Variants in ATP8A2 observed in about 807,000 individuals in gnomAD.
The protein encoded by ATP8A2 is ATPase phospholipid transporting 8A2, also known as phospholipid-transporting ATPase IB.
A neutral mutation model predicts 165.6 loss-of-function variants in ATP8A2; 100 were observed. That is an observed-to-expected ratio of 0.60 (90% CI 0.51 to 0.71). The LOEUF is 0.71. Among genes scored for constraint, ATP8A2 ranks in the 30% least tolerant of loss-of-function variants. The pLI is 0.00. For missense variants in ATP8A2, 1,227 were observed against 1,479.5 expected, an observed-to-expected ratio of 0.83 and a Z score of 2.80; for synonymous variants, 543 against 548.8, an observed-to-expected ratio of 0.99 and a Z score of 0.15.
intron 24 of ATP8A2, among the ~76,000 whole-genome samples, chr13:25,592,470 A>G (rs1261543644): frequency 6.6e-6 from 1 of 152,234 alleles, no homozygotes; most frequent in Non-Finnish European, 1.5e-5. Context: ...GCTGAGTACA[A>G]GTTGATGTTA....
At chr13:25,416,672 C>T (rs1158351058) in intron 1 of ATP8A2, among the ~76,000 whole-genome samples, 1 of 152,154 alleles carries the variant, frequency 6.6e-6, no homozygotes, top group Non-Finnish European at 1.5e-5. Context: ...GGAAAAATTC[C>T]AAAGCCCTCA....
chr13:25,860,911 C>A, intron 32 of ATP8A2, 51 bp downstream of exon 32: 1 of 1,262,968 alleles, frequency 7.9e-7, no homozygotes, highest in Non-Finnish European at 1.1e-6. Flanking sequence ...ATTTTTCATG[C>A]TAGGATTTCT....
chr13:25,776,041 G>T (rs1365810555), intron 27 of ATP8A2, among the ~76,000 whole-genome samples: 2 of 152,196 alleles, frequency 1.3e-5, no homozygotes, highest in South Asian at 2.1e-4. Flanking sequence ...TGTGCAGGTT[G>T]TTCATGGCCC....
chr13:25,439,339 A>G (rs2034867510), intron 1 of ATP8A2, among the ~76,000 whole-genome samples: 1 of 152,164 alleles, frequency 6.6e-6, no homozygotes, highest in Non-Finnish European at 1.5e-5. Context: ...CAAAAAAAGG[A>G]CATCATGGAG....
chr13:25,968,469 T>G, intron 34 of ATP8A2, 106 bp from the exon 35 acceptor site: 1 of 957,014 alleles, frequency 1.0e-6, no homozygotes, highest in Non-Finnish European at 1.6e-6. Context: ...AGCCTCGGCC[T>G]CCACCAAAGG....
chr13:25,722,556 T>C (rs1315346323), intron 25 of ATP8A2, among the ~76,000 whole-genome samples: 2 of 152,188 alleles, frequency 1.3e-5, no homozygotes, highest in Admixed American at 1.3e-4. Flanking sequence ...CACTTCTCTT[T>C]CTTGATCCCC....
At chr13:25,577,450 T>C (rs1239547516) in intron 20 of ATP8A2, among the ~76,000 whole-genome samples, 1 of 152,228 alleles carries the variant, frequency 6.6e-6, no homozygotes, top group Non-Finnish European at 1.5e-5. Flanking sequence ...GTTTTGACTT[T>C]GGGAAGACAA....
At chr13:25,915,207 A>G (rs1954234075) in intron 33 of ATP8A2, among the ~76,000 whole-genome samples, 1 of 152,238 alleles carries the variant, frequency 6.6e-6, no homozygotes, top group African/African-American at 2.4e-5. Flanking sequence ...TTGTGTAATT[A>G]TGTACTTAAA....
intron 1 of ATP8A2, among the ~76,000 whole-genome samples, chr13:25,413,278 G>GTTTTTTTTTTTTTTTTTTTTTCTTT (rs1195456593): frequency 9.5e-6 from 1 of 105,262 alleles, no homozygotes; most frequent in Non-Finnish European, 1.9e-5. Flanking sequence ...CTTTTTCTTT[G>GTTTTTTTTTTTTTTTTTTTTTCTTT]TTTTTTTTTT....
At chr13:25,893,125 G>A (rs968764482) in intron 33 of ATP8A2, among the ~76,000 whole-genome samples, 2 of 151,126 alleles carry the variant, frequency 1.3e-5, no homozygotes, top group African/African-American at 4.9e-5. Flanking sequence ...ATGTATACAT[G>A]TGCCATATTG....
At chr13:25,918,353 G>A (rs921008754) in intron 33 of ATP8A2, among the ~76,000 whole-genome samples, 1 of 152,212 alleles carries the variant, frequency 6.6e-6, no homozygotes, top group Admixed American at 6.5e-5. Context: ...GATAGTTGTT[G>A]ATTGGGCTGC....
rs748701012 is a variant in ATP8A2 at position 25,553,824 on chromosome 13, A to G, written c.1089A>G (p.Leu363=). 1 of 1,613,778 alleles carries G rather than the reference A, an allele frequency of 6.2e-7. No individual in the cohort carries two copies. Among genetic ancestry groups the G allele is most frequent in the African/African-American group, 1.3e-5 (1 of 75,040 alleles). Residue 363 remains leucine (L), a synonymous_variant, in exon 12 of 37, where the codon CTA becomes CTG. Coordinates refer to ENST00000381655, the MANE Select transcript of ATP8A2 (RefSeq NM_016529.6). ...CCTCAGATAATTTTGGATACAACCT[A>G]CTGACGTTCATCATCTTATACAACA... is the stretch of plus-strand genomic sequence containing the variant. The part of the protein sequence containing the change: ...DTTSDNFGYN[L]LTFIILYNNL...
chr13:25,981,022 A>G (rs1422371848), intron 35 of ATP8A2, among the ~76,000 whole-genome samples: 4 of 152,334 alleles, frequency 2.6e-5, no homozygotes, highest in East Asian at 1.9e-4. Context: ...CAATGAGTTG[A>G]TTTTTCAAAA....
intron 35 of ATP8A2, among the ~76,000 whole-genome samples, chr13:25,991,590 T>G (rs1956394951): frequency 6.6e-6 from 1 of 152,262 alleles, no homozygotes. Context: ...ACATGGAATC[T>G]TATAACGTGT....
Position 25,571,641 on chromosome 13 carries a change from G to A in ATP8A2, c.1611G>A (p.Lys537=), listed in dbSNP as rs2039470399. 6.2e-7 allele frequency: 1 copy of A among 1,613,994 alleles called. No homozygotes were observed. Among genetic ancestry groups the A allele is most frequent in the Non-Finnish European group, 8.5e-7 (1 of 1,179,986 alleles). The part of the protein sequence containing the change: ...DEAALVKGAK[K]LGFVFTARTP... ...CTGCTTTGGTGAAAGGAGCTAAAAA[G>A]CTGGGCTTTGTCTTCACAGCCAGAA... The change falls in exon 18 of 37, where the codon AAG becomes AAA. Residue 537 remains lysine, a synonymous_variant. Transcript: ENST00000381655.
intron 24 of ATP8A2, among the ~76,000 whole-genome samples, chr13:25,594,787 G>T (rs561421218): frequency 3.0e-4 from 45 of 152,220 alleles, no homozygotes; most frequent in Admixed American, 2.1e-3. Context: ...TGTCCTTAAA[G>T]AACTAAAAGT....
At chr13:25,576,707 T>C (rs2039628815) in intron 19 of ATP8A2, among the ~76,000 whole-genome samples, 1 of 152,184 alleles carries the variant, frequency 6.6e-6, no homozygotes, top group African/African-American at 2.4e-5. Context: ...TCCTACCTAC[T>C]GGGCAAGTTA....
Position 25,431,298 on chromosome 13 carries a change from G to A in ATP8A2, c.77-37679G>A, listed in dbSNP as rs557307351. On this transcript the variant is annotated intron_variant, in intron 1 of 36. Coordinates refer to ENST00000381655, the MANE Select transcript of ATP8A2 (RefSeq NM_016529.6). The stretch of plus-strand genomic sequence containing the variant: ...CGAGTAGCTGGGATTAGAGGCATGC[G>A]CCACGATGCCTGGCTAATTTTATAT... Among the ~76,000 whole-genome samples, 48 of 152,150 alleles carry A rather than the reference G, an allele frequency of 3.2e-4. No individual in the cohort carries two copies. The East Asian group carries it at 7.4e-3, about 23-fold the overall frequency.
intron 15 of ATP8A2, among the ~76,000 whole-genome samples, chr13:25,560,520 T>C (rs2039110634): frequency 6.6e-6 from 1 of 151,622 alleles, no homozygotes; most frequent in African/African-American, 2.4e-5. Flanking sequence ...GCCAACATGG[T>C]GAAACCCTGT....
Sources: allele counts gnomAD v4.1 joint callset (sites outside exome capture counted in the v4.1 genomes callset), GRCh38; gene constraint gnomAD v4.1.1; transcripts MANE v1.5; gene names NCBI Gene and HGNC (gene_info 2026-07-23, HGNC 2026-07-21).